IL1RAPL2: variants seen among roughly 807,000 people sequenced by gnomAD.
The protein encoded by IL1RAPL2 is X-linked interleukin-1 receptor accessory protein-like 2.
IL1RAPL2 carries 3 observed loss-of-function variants against 44.1 expected under a neutral mutation model. The observed-to-expected ratio is 0.07, with a 90% CI of 0.03 to 0.18. The LOEUF is 0.18. IL1RAPL2 is among the 10% of genes least tolerant of loss of function. IL1RAPL2 has a pLI of 1.00. For missense variants in IL1RAPL2, 391 were observed against 496.4 expected, an observed-to-expected ratio of 0.79 and a Z score of 2.02; for synonymous variants, 181 against 178.8, an observed-to-expected ratio of 1.01 and a Z score of -0.10.
At chrX:104,708,726 G>A (rs781001722) in intron 2 of IL1RAPL2, among the ~76,000 whole-genome samples, 1 of 110,613 alleles carries the variant, frequency 9.0e-6, no homozygotes, top group Admixed American at 9.7e-5. Context: ...TAGAACACAG[G>A]AATTAAGGGA....
intron 2 of IL1RAPL2, among the ~76,000 whole-genome samples, chrX:104,862,018 G>A (rs1182251818): frequency 9.1e-6 from 1 of 110,345 alleles, no homozygotes; most frequent in Non-Finnish European, 1.9e-5. Context: ...AAACGGAAGG[G>A]GGAGGCATTC....
Position 105,621,923 on chromosome X carries a change from G to A in IL1RAPL2, c.773-95444G>A, listed in dbSNP as rs763961908. ...CCACATTCCCTCAGGGTAATGCTAC[G>A]AAGATACATCTAAATATTACTTCTC... On this transcript the variant is annotated intron_variant, in intron 6 of 10. Coordinates refer to ENST00000372582, the MANE Select transcript of IL1RAPL2 (RefSeq NM_017416.2). Among the ~76,000 whole-genome samples the A allele has an allele frequency of 3.6e-5, 4 of 110,470 alleles. No homozygotes were observed. In the South Asian group the frequency reaches 1.5e-3, roughly 42 times the overall value.
At chrX:104,737,993 T>C (rs1326624333) in intron 2 of IL1RAPL2, among the ~76,000 whole-genome samples, 4 of 112,266 alleles carry the variant, frequency 3.6e-5, no homozygotes, top group Non-Finnish European at 7.5e-5. Flanking sequence ...CTTGTTCTGA[T>C]CTTCTAGTTT....
At chrX:104,705,894 C>T (rs748694448) in intron 2 of IL1RAPL2, among the ~76,000 whole-genome samples, 12 of 111,439 alleles carry the variant, frequency 1.1e-4, no homozygotes, top group Non-Finnish European at 2.1e-4. Flanking sequence ...TTTTGTTTTT[C>T]GTTTCTAGCA....
intron 2 of IL1RAPL2, among the ~76,000 whole-genome samples, chrX:104,899,423 C>G (rs891483666): frequency 9.0e-6 from 1 of 111,365 alleles, no homozygotes; most frequent in South Asian, 3.8e-4. Flanking sequence ...GGGCATGATT[C>G]ATAGATAAAT....
At chrX:104,718,619 C>G (rs1001874462) in intron 2 of IL1RAPL2, among the ~76,000 whole-genome samples, 2 of 110,904 alleles carry the variant, frequency 1.8e-5, no homozygotes, top group African/African-American at 6.6e-5. Flanking sequence ...CACCTTCCAC[C>G]GTGATTGTAA....
At chrX:104,615,134 C>T (rs1350905235) in intron 1 of IL1RAPL2, among the ~76,000 whole-genome samples, 2 of 111,416 alleles carry the variant, frequency 1.8e-5, no homozygotes, top group African/African-American at 3.3e-5. Context: ...CTTTTGTTTC[C>T]ATGTTTAGAA....
intron 2 of IL1RAPL2, among the ~76,000 whole-genome samples, chrX:104,979,088 C>T (rs888979140): frequency 9.0e-6 from 1 of 111,196 alleles, no homozygotes; most frequent in Non-Finnish European, 1.9e-5. Flanking sequence ...ATTAACTTTA[C>T]AATATATATT....
intron 6 of IL1RAPL2, among the ~76,000 whole-genome samples, chrX:105,579,396 C>T (rs1305291372): frequency 9.0e-6 from 1 of 111,247 alleles, no homozygotes; most frequent in Admixed American, 9.6e-5. Flanking sequence ...TAAACATATG[C>T]AACATATTTT....
chrX:104,724,641 A>G (rs181776143), intron 2 of IL1RAPL2, among the ~76,000 whole-genome samples: 40 of 111,666 alleles, frequency 3.6e-4, no homozygotes, highest in African/African-American at 1.2e-3. Flanking sequence ...AAAATGGATA[A>G]TGTTAAAAAC....
intron 2 of IL1RAPL2, among the ~76,000 whole-genome samples, chrX:104,966,203 GA>G (rs985016326): frequency 9.0e-6 from 1 of 111,215 alleles, no homozygotes; most frequent in African/African-American, 3.3e-5. Context: ...ACTAAATATA[GA>G]AAAAGTTTGG....
At chrX:105,428,880 A>T (rs952382731) in intron 5 of IL1RAPL2, among the ~76,000 whole-genome samples, 20 of 111,348 alleles carry the variant, frequency 1.8e-4, no homozygotes, top group Middle Eastern at 4.6e-3. Flanking sequence ...AAAATTTGGT[A>T]GGCTATGCTT....
At chrX:104,793,878 G>C (rs1038304003) in intron 2 of IL1RAPL2, among the ~76,000 whole-genome samples, 2 of 111,274 alleles carry the variant, frequency 1.8e-5, no homozygotes, top group South Asian at 7.6e-4. Flanking sequence ...TTACAGTTTG[G>C]TGTTCTTGGC....
chrX:105,545,764 C>A (rs1212536321), intron 6 of IL1RAPL2, among the ~76,000 whole-genome samples: 1 of 111,219 alleles, frequency 9.0e-6, no homozygotes, highest in African/African-American at 3.3e-5. Flanking sequence ...TATGATATAT[C>A]TAGATGTGGA....
rs59789265 is a variant in IL1RAPL2 at position 104,874,279 on chromosome X, C to CCTCTCTCTCTCTCTCTCTCTCT, written c.82+215301_82+215322dup. On this transcript the variant is annotated intron_variant, in intron 2 of 10. Transcript: ENST00000372582. Reference sequence around the variant, plus strand: ...TTGATTATTTTTAACTGTCTGTATTCCTCTCTCTCTCTCTCTCTCTCTCTC... The same window carrying CCTCTCTCTCTCTCTCTCTCTCT: ...TTGATTATTTTTAACTGTCTGTATTCCTCTCTCTCTCTCTCTCTCTCTCTCTCTCTCTCTCTCTCTCTCTCTC... 2.8e-4 allele frequency among the ~76,000 whole-genome samples: 21 copies of CCTCTCTCTCTCTCTCTCTCTCT among 76,312 alleles called. 1 individual carries two copies. Among genetic ancestry groups the CCTCTCTCTCTCTCTCTCTCTCT allele is most frequent in the African/African-American group, 4.1e-4 (8 of 19,609 alleles). 66.3% of individuals were successfully genotyped at this position (76,312 alleles called of 115,157 possible).
At position 104,778,228 on chromosome X, in the gene IL1RAPL2, A is replaced by G. The variant is rs974102274; in HGVS notation, c.82+119233A>G. Among the ~76,000 whole-genome samples the G allele has an allele frequency of 3.6e-5, 4 of 110,320 alleles. No individual in the cohort carries two copies. The East Asian group carries it at 1.1e-3, about 31-fold the overall frequency. ...TGTTGTTGAGTTAGATGAGTTCTTT[A>G]CACATTCTAGGTGTTAGCCCCTCGG... is the stretch of plus-strand genomic sequence containing the variant. On this transcript the variant is annotated intron_variant, in intron 2 of 10. Transcript: ENST00000372582.
chrX:105,304,147 TAGC>T (rs1002269031), intron 5 of IL1RAPL2, among the ~76,000 whole-genome samples: 2 of 112,545 alleles, frequency 1.8e-5, no homozygotes, highest in Admixed American at 9.3e-5. Context: ...TGCCACTAAA[TAGC>T]AGCCAGAATA....
intron 5 of IL1RAPL2, among the ~76,000 whole-genome samples, chrX:105,273,025 T>A (rs2034459280): frequency 9.0e-6 from 1 of 111,021 alleles, no homozygotes; most frequent in Non-Finnish European, 1.9e-5. Context: ...AGCAATATGG[T>A]GGAGAGTTGG....
chrX:104,847,724 G>C (rs765899874), intron 2 of IL1RAPL2, among the ~76,000 whole-genome samples: 8 of 111,772 alleles, frequency 7.2e-5, no homozygotes, highest in African/African-American at 2.3e-4. Flanking sequence ...TTCCAATTCT[G>C]TGAAGAAAGT....
Sources: allele counts gnomAD v4.1 joint callset (sites outside exome capture counted in the v4.1 genomes callset), GRCh38; gene constraint gnomAD v4.1.1; transcripts MANE v1.5; gene names NCBI Gene and HGNC (gene_info 2026-07-23, HGNC 2026-07-21).